The following B3GALT1 variants were observed in gnomAD, a reference collection of about 807,000 sequenced individuals.
B3GALT1 encodes beta-1,3-galactosyltransferase 1, also known as UDP-Gal:betaGlcNAc beta 1,3-galactosyltransferase, polypeptide 1.
B3GALT1 carries 10 observed loss-of-function variants against 23.2 expected under a neutral mutation model. That is an observed-to-expected ratio of 0.43 (90% CI 0.27 to 0.73). B3GALT1 has a LOEUF of 0.73. Ranked by LOEUF, B3GALT1 falls within the 30% of genes least tolerant of loss-of-function variation. B3GALT1 has a pLI of 0.21. For missense variants in B3GALT1, 299 were observed against 405.4 expected, an observed-to-expected ratio of 0.74 and a Z score of 2.25; for synonymous variants, 156 against 141.5, an observed-to-expected ratio of 1.10 and a Z score of -0.73.
intron 1 of B3GALT1, among the ~76,000 whole-genome samples, chr2:167,409,033 A>T (rs950684639): frequency 6.6e-6 from 1 of 152,238 alleles, no homozygotes; most frequent in African/African-American, 2.4e-5. Flanking sequence ...CCTAAAATTT[A>T]TCTGGAAGCA....
chr2:167,454,167 C>T (rs1699131481), intron 1 of B3GALT1, among the ~76,000 whole-genome samples: 2 of 151,950 alleles, frequency 1.3e-5, no homozygotes, highest in Admixed American at 1.3e-4. Flanking sequence ...TGCAGATGAA[C>T]CAGTTTTCCG....
intron 2 of B3GALT1, among the ~76,000 whole-genome samples, chr2:167,505,388 AC>A: frequency 6.6e-6 from 1 of 152,334 alleles, no homozygotes; most frequent in East Asian, 1.9e-4. Flanking sequence ...TTTTCTAAAA[AC>A]AATAGACTTG....
At chr2:167,652,652 A>G (rs1372539334) in intron 3 of B3GALT1, among the ~76,000 whole-genome samples, 3 of 152,094 alleles carry the variant, frequency 2.0e-5, no homozygotes, top group African/African-American at 7.2e-5. Flanking sequence ...AATGTGGTAC[A>G]TCTTATGGTG....
intron 2 of B3GALT1, among the ~76,000 whole-genome samples, chr2:167,525,831 C>T (rs1461461972): frequency 1.3e-5 from 2 of 150,650 alleles, no homozygotes; most frequent in African/African-American, 4.9e-5. Flanking sequence ...CCAGGTAGGT[C>T]TCAAACTCCT....
At chr2:167,805,384 A>G (rs1688730451) in intron 3 of B3GALT1, among the ~76,000 whole-genome samples, 1 of 152,172 alleles carries the variant, frequency 6.6e-6, no homozygotes, top group African/African-American at 2.4e-5. Context: ...TTGGTGTTTT[A>G]GACATGAAGT....
At chr2:167,682,569 C>A (rs1686550511) in intron 3 of B3GALT1, among the ~76,000 whole-genome samples, 1 of 152,234 alleles carries the variant, frequency 6.6e-6, no homozygotes, top group African/African-American at 2.4e-5. Flanking sequence ...TGAGAATAAC[C>A]TGAAGAGCTT....
chr2:167,650,604 C>T (rs1425992029), intron 3 of B3GALT1, among the ~76,000 whole-genome samples: 1 of 151,878 alleles, frequency 6.6e-6, no homozygotes, highest in Non-Finnish European at 1.5e-5. Flanking sequence ...AGTATTAACT[C>T]TTCTTTAAGT....
intron 1 of B3GALT1, among the ~76,000 whole-genome samples, chr2:167,342,038 G>A (rs569577070): frequency 3.3e-5 from 5 of 152,066 alleles, no homozygotes; most frequent in Admixed American, 6.6e-5. Context: ...TGGTCAAGCC[G>A]CATAAAAATT....
At chr2:167,391,203 A>G (rs1698010864) in intron 1 of B3GALT1, among the ~76,000 whole-genome samples, 1 of 152,206 alleles carries the variant, frequency 6.6e-6, no homozygotes. Flanking sequence ...CCATTTCCTC[A>G]GAACACAGCA....
intron 2 of B3GALT1, among the ~76,000 whole-genome samples, chr2:167,607,404 G>A (rs973871015): frequency 2.0e-5 from 3 of 152,082 alleles, no homozygotes; most frequent in South Asian, 2.1e-4. Context: ...TCTGGGTCAC[G>A]ACTTCTGCCT....
At chr2:167,472,701 C>T (rs890904611) in intron 1 of B3GALT1, among the ~76,000 whole-genome samples, 8 of 152,046 alleles carry the variant, frequency 5.3e-5, no homozygotes, top group African/African-American at 1.7e-4. Context: ...AGAGTCTTTG[C>T]CTCATCCTTT....
intron 2 of B3GALT1, among the ~76,000 whole-genome samples, chr2:167,593,895 G>T (rs568007627): frequency 3.9e-5 from 6 of 152,112 alleles, no homozygotes; most frequent in Admixed American, 2.0e-4. Context: ...ATAAATTGAG[G>T]ACTTACCAGG....
intron 2 of B3GALT1, among the ~76,000 whole-genome samples, chr2:167,551,891 T>A (rs1165224400): frequency 2.0e-5 from 3 of 152,154 alleles, no homozygotes; most frequent in Non-Finnish European, 4.4e-5. Flanking sequence ...TTGAGAAGGG[T>A]TCTGGAGTCC....
intron 3 of B3GALT1, among the ~76,000 whole-genome samples, chr2:167,657,155 G>A (rs771493675): frequency 3.9e-5 from 6 of 152,112 alleles, no homozygotes; most frequent in Non-Finnish European, 8.8e-5. Flanking sequence ...GTTTGAGAGC[G>A]GTTCCTTCAA....
At chr2:167,718,284 CAA>C (rs59948999) in intron 3 of B3GALT1, among the ~76,000 whole-genome samples, 5 of 144,084 alleles carry the variant, frequency 3.5e-5, no homozygotes, top group East Asian at 4.1e-4. Flanking sequence ...GGTTCATAAA[CAA>C]AAAAAAAAAA....
At chr2:167,684,184 T>C (rs1686579924) in intron 3 of B3GALT1, among the ~76,000 whole-genome samples, 1 of 152,208 alleles carries the variant, frequency 6.6e-6, no homozygotes, top group Admixed American at 6.5e-5. Context: ...CAGTCTCCAT[T>C]GTACCCCCAG....
chr2:167,413,340 C>T (rs539708100), intron 1 of B3GALT1, among the ~76,000 whole-genome samples: 59 of 152,040 alleles, frequency 3.9e-4, no homozygotes, highest in South Asian at 1.9e-3. Flanking sequence ...CTTTGAGAGA[C>T]GAAATTTCAT....
intron 1 of B3GALT1, among the ~76,000 whole-genome samples, chr2:167,294,066 T>C (rs919667590): frequency 2.0e-5 from 3 of 152,102 alleles, no homozygotes; most frequent in Non-Finnish European, 2.9e-5. Flanking sequence ...TCTGAGGTAC[T>C]GGTAGCGGCT....
At chr2:167,642,257 C>T (rs1049334039) in intron 2 of B3GALT1, among the ~76,000 whole-genome samples, 2 of 152,086 alleles carry the variant, frequency 1.3e-5, no homozygotes, top group African/African-American at 2.4e-5. Flanking sequence ...TTTTCACCAT[C>T]GGGGGGTCCA....
Sources: allele counts gnomAD v4.1 joint callset (sites outside exome capture counted in the v4.1 genomes callset), GRCh38; gene constraint gnomAD v4.1.1; transcripts MANE v1.5; gene names NCBI Gene and HGNC (gene_info 2026-07-23, HGNC 2026-07-21).